Variants in CCDC192 observed in about 807,000 individuals in gnomAD.
CCDC192 encodes the protein coiled-coil domain-containing protein 192.
intron 5 of CCDC192, among the ~76,000 whole-genome samples, chr5:127,861,221 T>C (rs1321543310): frequency 6.6e-6 from 1 of 151,890 alleles, no homozygotes; most frequent in Non-Finnish European, 1.5e-5. Flanking sequence ...TTGGTCAGGC[T>C]GGTTTTGAAC....
intron 3 of CCDC192, among the ~76,000 whole-genome samples, chr5:127,789,777 G>T (rs55779002): frequency 0.024 from 3,602 of 152,292 alleles, 64 homozygotes; most frequent in South Asian, 0.042. Context: ...TCTAGAAGAT[G>T]GGGGAAATGG....
chr5:127,923,502 C>T (rs529406430), intron 6 of CCDC192, among the ~76,000 whole-genome samples: 2 of 152,098 alleles, frequency 1.3e-5, no homozygotes, highest in East Asian at 3.9e-4. Flanking sequence ...CTCAGCCTCC[C>T]GAGTAGCTGG....
At chr5:127,813,622 C>A (rs1758201295) in intron 5 of CCDC192, among the ~76,000 whole-genome samples, 1 of 152,078 alleles carries the variant, frequency 6.6e-6, no homozygotes, top group South Asian at 2.1e-4. Flanking sequence ...TTGCTTGAGC[C>A]TTTATGACTG....
chr5:127,923,298 C>T (rs1160116067), intron 6 of CCDC192, among the ~76,000 whole-genome samples: 1 of 152,112 alleles, frequency 6.6e-6, no homozygotes, highest in Non-Finnish European at 1.5e-5. Context: ...GAACGGAACT[C>T]CAATTTTACT....
chr5:127,730,762 A>G (rs941455652), intron 2 of CCDC192, among the ~76,000 whole-genome samples: 1 of 152,218 alleles, frequency 6.6e-6, no homozygotes, highest in Admixed American at 6.5e-5. Flanking sequence ...ACTAAAGACA[A>G]AAACTACATG....
At chr5:127,749,310 T>G (rs1468034578) in intron 2 of CCDC192, among the ~76,000 whole-genome samples, 1 of 152,130 alleles carries the variant, frequency 6.6e-6, no homozygotes, top group Admixed American at 6.6e-5. Flanking sequence ...TTATTGAGAG[T>G]TTTTAGCATG....
intron 6 of CCDC192, among the ~76,000 whole-genome samples, chr5:127,928,651 C>A (rs1469097670): frequency 6.6e-6 from 1 of 152,326 alleles, no homozygotes; most frequent in South Asian, 2.1e-4. Context: ...ATTCTGCCTA[C>A]CACACTTCCC....
At chr5:127,892,614 T>C (rs1050636556) in intron 6 of CCDC192, among the ~76,000 whole-genome samples, 3 of 152,210 alleles carry the variant, frequency 2.0e-5, no homozygotes, top group African/African-American at 7.2e-5. Flanking sequence ...GCTCTAGTAG[T>C]TCACTTGGCA....
rs116480248 is a variant in CCDC192 at position 127,841,787 on chromosome 5, G to A, written c.412-33751G>A. Among the ~76,000 whole-genome samples the A allele has an allele frequency of 5.6e-3, 857 of 152,066 alleles. 11 individuals are homozygous for A. Among genetic ancestry groups the A allele is most frequent in the African/African-American group, 0.019 (806 of 41,490 alleles). ...CCAAGCCTTGGGTCACCAGCCCAAC[G>A]AGTGATCAGTAAGCATGCCTTGGTA... On this transcript the variant is annotated intron_variant, in intron 5 of 6. Transcript: ENST00000514853.
chr5:127,829,399 G>A (rs1749684601), intron 5 of CCDC192, among the ~76,000 whole-genome samples: 1 of 151,662 alleles, frequency 6.6e-6, no homozygotes, highest in Non-Finnish European at 1.5e-5. Flanking sequence ...ACATCCTTTG[G>A]AATCTTCAAA....
chr5:127,812,386 A>T (rs1758127772), intron 5 of CCDC192, among the ~76,000 whole-genome samples: 1 of 152,154 alleles, frequency 6.6e-6, no homozygotes, highest in Non-Finnish European at 1.5e-5. Flanking sequence ...ATTAAATGGG[A>T]TGACACTGGT....
intron 5 of CCDC192, among the ~76,000 whole-genome samples, chr5:127,829,771 T>C (rs778361958): frequency 6.6e-6 from 1 of 152,132 alleles, no homozygotes; most frequent in Non-Finnish European, 1.5e-5. Context: ...TTTTATGGAG[T>C]CAATTAAATA....
At chr5:127,921,212 T>TAGTG (rs1269277234) in intron 6 of CCDC192, among the ~76,000 whole-genome samples, 1 of 119,350 alleles carries the variant, frequency 8.4e-6, no homozygotes, top group Admixed American at 8.6e-5. Flanking sequence ...AGAAAGAGAG[T>TAGTG]AGTGGAGGAA....
At chr5:127,843,784 G>C (rs1750406789) in intron 5 of CCDC192, among the ~76,000 whole-genome samples, 2 of 152,134 alleles carry the variant, frequency 1.3e-5, no homozygotes, top group South Asian at 4.1e-4. Context: ...TACATTACCA[G>C]ATCCTACCCA....
At chr5:127,907,043 G>T (rs943506113) in intron 6 of CCDC192, among the ~76,000 whole-genome samples, 4 of 151,414 alleles carry the variant, frequency 2.6e-5, no homozygotes, top group African/African-American at 7.3e-5. Flanking sequence ...GTTTGGTTGG[G>T]TTTTTTTTCA....
At chr5:127,813,882 CT>C (rs1221668049) in intron 5 of CCDC192, among the ~76,000 whole-genome samples, 3 of 152,176 alleles carry the variant, frequency 2.0e-5, no homozygotes, top group Admixed American at 2.0e-4. Context: ...AGGACCTGAG[CT>C]TCTCATAGAA....
chr5:127,872,215 G>T lies in CCDC192; in HGVS notation c.412-3323G>T, dbSNP rs184292178. Among the ~76,000 whole-genome samples, 15 of 152,190 alleles carry T rather than the reference G, an allele frequency of 9.9e-5. 1 individual carries two copies. The East Asian group carries it at 2.9e-3, about 29-fold the overall frequency. ...TTAAATGTATCTGAGTAATCAAAAG[G>T]TCTCAACAGAAATGTTAGACAGCCA... On this transcript the variant is annotated intron_variant, in intron 5 of 6. Transcript: ENST00000514853.
chr5:127,917,545 A>G (rs1753558837), intron 6 of CCDC192, among the ~76,000 whole-genome samples: 1 of 152,222 alleles, frequency 6.6e-6, no homozygotes, highest in South Asian at 2.1e-4. Flanking sequence ...TTTAAGGGTT[A>G]TTAAATAGCC....
At chr5:127,937,748 T>C (rs1473867499) in intron 6 of CCDC192, among the ~76,000 whole-genome samples, 1 of 152,258 alleles carries the variant, frequency 6.6e-6, no homozygotes, top group Admixed American at 6.5e-5. Context: ...TGACTGCCTA[T>C]GCAATGCCGC....
Sources: gnomAD v4.1 joint callset for allele counts (sites outside exome capture counted in the v4.1 genomes callset) on GRCh38, gnomAD v4.1.1 for gene constraint, MANE v1.5 for transcripts, NCBI Gene and HGNC (gene_info 2026-07-23, HGNC 2026-07-21) for gene names.